Variants in JPH2 observed in about 807,000 individuals in gnomAD.
JPH2 encodes the protein junctophilin 2, also known as junctophilin-2.
JPH2 carries 38 observed loss-of-function variants against 55.9 expected under a neutral mutation model. The ratio of observed to expected loss-of-function variants is 0.68; its 90% CI spans 0.52 to 0.89. The LOEUF (loss-of-function observed/expected upper bound fraction) is 0.89, where lower values mean the gene tolerates loss of function less well. JPH2 is among the 40% of genes least tolerant of loss of function. The probability of loss-of-function intolerance (pLI) is 0.00; values close to 1 mark genes in which losing one functional copy is unlikely to be tolerated. For synonymous variants in JPH2, 480 were observed against 472.4 expected (o/e 1.02, Z -0.21); for missense variants, 964 against 1,037.6 (o/e 0.93, Z 0.97).
At chr20:44,162,755 T>TGG (rs2072620063) in intron 1 of JPH2, among the ~76,000 whole-genome samples, 1 of 45,954 alleles carries the variant, frequency 2.2e-5, no homozygotes, top group Non-Finnish European at 4.2e-5. Context: ...CATATATATA[T>TGG]ATATATATAT....
Position 44,164,243 on chromosome 20 carries a change from C to A in JPH2, c.380-3836G>T, listed in dbSNP as rs191077080. Among the ~76,000 whole-genome samples the A allele has an allele frequency of 3.9e-5, 6 of 152,252 alleles. No homozygotes were observed. In the East Asian group the frequency reaches 1.2e-3, roughly 29 times the overall value. On this transcript the variant is annotated intron_variant, in intron 1 of 5. Coordinates refer to ENST00000372980, the MANE Select transcript of JPH2 (RefSeq NM_020433.5). ...TTGGATAGATGGGAAACCAACAGGT[C>A]GCATTTCCCAAGCTCATTCACATGT...
intron 2 of JPH2, among the ~76,000 whole-genome samples, chr20:44,149,872 G>A (rs1214246315): frequency 1.3e-5 from 2 of 151,520 alleles, no homozygotes; most frequent in African/African-American, 2.4e-5. Flanking sequence ...CAACTACTGG[G>A]GAGGCTGAGG....
At chr20:44,177,678 C>A in intron 1 of JPH2, 3 of 1,255,958 alleles carry the variant, frequency 2.4e-6, no homozygotes, top group South Asian at 1.7e-5. Flanking sequence ...GAAATGGAAT[C>A]ATGTCTGGCA....
chr20:44,186,992 C>T lies in JPH2; in HGVS notation c.-287G>A, dbSNP rs111458058. 1.4e-5 allele frequency: 7 copies of T among 518,058 alleles called. No homozygotes were observed. The highest frequency in any genetic ancestry group is 5.7e-5 in the African/African-American group (3 of 52,370). 32.1% of individuals were successfully genotyped at this position (518,058 alleles called of 1,614,324 possible). Reference sequence around the variant, plus strand: ...GGAAAGGTTCAAAGTCCCCACAAAGCGTCCCAAGTCTGCCTTCCAAGAAGT... The same window carrying T: ...GGAAAGGTTCAAAGTCCCCACAAAGTGTCCCAAGTCTGCCTTCCAAGAAGT... On this transcript the variant is annotated 5_prime_UTR_variant, in exon 1 of 6. Transcript: ENST00000372980.
intron 2 of JPH2, among the ~76,000 whole-genome samples, chr20:44,148,592 C>T (rs528070635): frequency 3.2e-4 from 49 of 152,296 alleles, no homozygotes; most frequent in African/African-American, 1.1e-3. Flanking sequence ...TGGGCGAAGG[C>T]GACCCGAGCT....
In JPH2 at chr20:44,160,156, C is replaced by T. The variant is rs1434116581; in HGVS notation, c.631G>A (p.Ala211Thr). 3 of 1,427,464 alleles carry T rather than the reference C, an allele frequency of 2.1e-6. No homozygotes were observed. The highest frequency in any genetic ancestry group is 3.1e-5 in the Admixed American group (1 of 32,782). 88.4% of individuals were successfully genotyped at this position (1,427,464 alleles called of 1,614,324 possible). The change falls in exon 2 of 6, where the codon GCC (alanine) becomes ACC (threonine). Residue 211 changes from alanine to threonine, a missense_variant. Transcript: ENST00000372980. This position sits in a 1 kb window ranked among gnomAD's most constrained non-coding sequence, Gnocchi z 4.9. The part of the protein sequence containing the change: ...ALSLLANAEA[A>T]ARAPKGGGLF... ...CCGCCGCCCTTGGGCGCCCGCGCGGCCGCCTCGGCATTGGCCAGGAGGCTG... is the reference window on the plus strand; with the variant it reads ...CCGCCGCCCTTGGGCGCCCGCGCGGTCGCCTCGGCATTGGCCAGGAGGCTG...
intron 2 of JPH2, among the ~76,000 whole-genome samples, chr20:44,137,593 G>A (rs2072423353): frequency 6.6e-6 from 1 of 152,202 alleles, no homozygotes; most frequent in Non-Finnish European, 1.5e-5. Context: ...CAAGGACAGG[G>A]GAGGAAGAAG....
intron 2 of JPH2, among the ~76,000 whole-genome samples, chr20:44,150,176 CA>C (rs770782346): frequency 1.3e-5 from 2 of 150,642 alleles, no homozygotes; most frequent in Non-Finnish European, 2.9e-5. Context: ...ATCAGCCTGA[CA>C]AATCCAGAAG....
At chr20:44,125,216 CTCAT>C (rs751741539) in intron 2 of JPH2, among the ~76,000 whole-genome samples, 5 of 152,136 alleles carry the variant, frequency 3.3e-5, no homozygotes, top group Middle Eastern at 3.4e-3. Context: ...CACAACTATG[CTCAT>C]TCATATTGTC....
intron 2 of JPH2, among the ~76,000 whole-genome samples, chr20:44,142,010 G>A (rs750235653): frequency 3.3e-5 from 5 of 152,204 alleles, no homozygotes; most frequent in African/African-American, 4.8e-5. Flanking sequence ...GACAGACGCA[G>A]TGACTGAATG....
At chr20:44,134,805 AAATAT>A (rs1318780837) in intron 2 of JPH2, among the ~76,000 whole-genome samples, 1 of 60,808 alleles carries the variant, frequency 1.6e-5, no homozygotes, top group Non-Finnish European at 3.2e-5. Flanking sequence ...CATTTATTAT[AAATAT>A]ATATAAATAT....
intron 1 of JPH2, among the ~76,000 whole-genome samples, chr20:44,165,404 C>T (rs1223824204): frequency 6.6e-6 from 1 of 152,190 alleles, no homozygotes; most frequent in Non-Finnish European, 1.5e-5. Flanking sequence ...CTCACCACCT[C>T]CACTTCGACT....
intron 2 of JPH2, among the ~76,000 whole-genome samples, chr20:44,140,222 C>A (rs528299251): frequency 3.3e-5 from 5 of 152,142 alleles, no homozygotes; most frequent in Non-Finnish European, 7.4e-5. Context: ...CCTCTTAGGG[C>A]AGGCTTTCTG....
intron 2 of JPH2, among the ~76,000 whole-genome samples, chr20:44,133,127 GCCTGGGGTATA>G (rs1461550255): frequency 1.8e-5 from 2 of 112,218 alleles, no homozygotes; most frequent in African/African-American, 7.5e-5. Flanking sequence ...GCCCCTTCAG[GCCTGGGGTATA>G]ACAGCTCCCA....
intron 1 of JPH2, among the ~76,000 whole-genome samples, chr20:44,172,523 C>T (rs1415100909): frequency 6.6e-6 from 1 of 152,138 alleles, no homozygotes; most frequent in Non-Finnish European, 1.5e-5. Flanking sequence ...GACAGAGTCT[C>T]ACTCTGTAAT....
rs2072604648 is a variant in JPH2 at position 44,160,727 on chromosome 20, T to A, written c.380-320A>T. Among the ~76,000 whole-genome samples the A allele has an allele frequency of 6.6e-6, 1 of 152,196 alleles. No individual in the cohort carries two copies. Among genetic ancestry groups the A allele is most frequent in the African/African-American group, 2.4e-5 (1 of 41,438 alleles). ...GTTGGAGAGCATGGGCTTGTGTGTG[T>A]ATTTGTGCAAGATCGTGCGTACAAG... On this transcript the variant is annotated intron_variant, in intron 1 of 5. Transcript: ENST00000372980. The surrounding 1 kb of genome is among the most constrained non-coding windows in gnomAD (Gnocchi z 4.9).
At chr20:44,142,153 G>A (rs2072461528) in intron 2 of JPH2, among the ~76,000 whole-genome samples, 1 of 152,092 alleles carries the variant, frequency 6.6e-6, no homozygotes, top group Admixed American at 6.5e-5. Context: ...GTTATGTATG[G>A]GCAAGCGCAT....
At chr20:44,134,837 A>G (rs1220731974) in intron 2 of JPH2, among the ~76,000 whole-genome samples, 4 of 41,030 alleles carry the variant, frequency 9.7e-5, no homozygotes, top group African/African-American at 3.7e-4. Flanking sequence ...ATATACATAA[A>G]TATATGTTTA....
At chr20:44,155,650 A>G (rs184030592) in intron 2 of JPH2, among the ~76,000 whole-genome samples, 150 of 152,330 alleles carry the variant, frequency 9.8e-4, no homozygotes, top group African/African-American at 3.5e-3. Flanking sequence ...CACCTTAGCC[A>G]AGTGATCAAA....
Sources: gnomAD v4.1 joint callset for allele counts (sites outside exome capture counted in the v4.1 genomes callset) on GRCh38, gnomAD v4.1.1 for gene constraint, Gnocchi (gnomAD v3.1) non-coding constraint, MANE v1.5 for transcripts, NCBI Gene and HGNC (gene_info 2026-07-23, HGNC 2026-07-21) for gene names.